FRMD4A: variants seen among roughly 807,000 people sequenced by gnomAD.
The protein encoded by FRMD4A is FERM domain-containing protein 4A.
In FRMD4A, 29 loss-of-function variants were observed where a neutral mutation model predicts 129.1. The ratio of observed to expected loss-of-function variants is 0.22; its 90% CI spans 0.17 to 0.31. The LOEUF is 0.31. Ranked by LOEUF, FRMD4A falls within the 10% of genes least tolerant of loss-of-function variation. The pLI is 1.00. For synonymous variants in FRMD4A, 634 were observed against 571.6 expected, an observed-to-expected ratio of 1.11 and a Z score of -1.56; for missense variants, 1,272 against 1,375.8, an observed-to-expected ratio of 0.92 and a Z score of 1.19.
intron 2 of FRMD4A, among the ~76,000 whole-genome samples, chr10:13,900,155 A>G (rs1437054876): frequency 2.0e-5 from 3 of 152,188 alleles, no homozygotes; most frequent in African/African-American, 7.2e-5. Flanking sequence ...CACTTCAATC[A>G]AAAAGGGATA....
intron 2 of FRMD4A, among the ~76,000 whole-genome samples, chr10:13,940,115 G>T (rs1588440879): frequency 6.6e-6 from 1 of 151,852 alleles, no homozygotes; most frequent in Middle Eastern, 3.4e-3. Flanking sequence ...AAACTGAAGG[G>T]CACAAACCCT....
chr10:14,135,792 G>T (rs1185646481), intron 2 of FRMD4A, among the ~76,000 whole-genome samples: 2 of 152,122 alleles, frequency 1.3e-5, no homozygotes, highest in African/African-American at 4.8e-5. Flanking sequence ...AATATAAAGT[G>T]CTTTATTTTA....
intron 2 of FRMD4A, among the ~76,000 whole-genome samples, chr10:13,967,268 C>A (rs1156285881): frequency 1.3e-5 from 2 of 151,810 alleles, no homozygotes; most frequent in African/African-American, 2.4e-5. Flanking sequence ...ACCCGGGAGG[C>A]GGAGCTTGCG....
chr10:13,946,971 G>C (rs181985602), intron 2 of FRMD4A, among the ~76,000 whole-genome samples: 6 of 152,180 alleles, frequency 3.9e-5, no homozygotes, highest in African/African-American at 1.4e-4. Context: ...ATATGGGGAA[G>C]CTTGGGAGGC....
intron 3 of FRMD4A, among the ~76,000 whole-genome samples, chr10:13,827,232 C>T (rs1434434196): frequency 6.6e-6 from 1 of 152,160 alleles, no homozygotes; most frequent in Non-Finnish European, 1.5e-5. Context: ...AAGAAGTACA[C>T]ATAAGGGGTA....
intron 2 of FRMD4A, among the ~76,000 whole-genome samples, chr10:14,185,574 C>G (rs184826503): frequency 9.2e-5 from 14 of 152,118 alleles, no homozygotes; most frequent in African/African-American, 3.1e-4. Flanking sequence ...AAGGTTCAAT[C>G]TCGTCTTGTA....
chr10:13,730,523 C>A (rs931792034), intron 12 of FRMD4A, among the ~76,000 whole-genome samples: 1 of 152,010 alleles, frequency 6.6e-6, no homozygotes, highest in Non-Finnish European at 1.5e-5. Context: ...CAAACTAAGA[C>A]GAAACTTGGG....
intron 2 of FRMD4A, among the ~76,000 whole-genome samples, chr10:14,255,295 T>C (rs1844569399): frequency 6.6e-6 from 1 of 152,252 alleles, no homozygotes; most frequent in Non-Finnish European, 1.5e-5. Flanking sequence ...GTTGCCTCGT[T>C]GCTGCCTTCT....
At chr10:13,717,082 A>G (rs1373917214) in intron 12 of FRMD4A, among the ~76,000 whole-genome samples, 1 of 152,202 alleles carries the variant, frequency 6.6e-6, no homozygotes, top group Non-Finnish European at 1.5e-5. Context: ...TTTTCTAGCA[A>G]TGAGCACTGT....
chr10:13,785,670 G>A (rs976104714), intron 5 of FRMD4A, among the ~76,000 whole-genome samples: 6 of 151,856 alleles, frequency 4.0e-5, no homozygotes, highest in South Asian at 2.1e-4. Flanking sequence ...CATGCACAAC[G>A]TGCAGGTTTG....
At chr10:13,923,002 T>C (rs2095090857) in intron 2 of FRMD4A, among the ~76,000 whole-genome samples, 1 of 152,022 alleles carries the variant, frequency 6.6e-6, no homozygotes, top group East Asian at 1.9e-4. Context: ...GAAAATGGGA[T>C]GAGAAAAAAA....
intron 12 of FRMD4A, among the ~76,000 whole-genome samples, chr10:13,729,154 A>G (rs1460922760): frequency 3.7e-5 from 1 of 27,088 alleles, no homozygotes; most frequent in Non-Finnish European, 1.1e-4. Context: ...GTTCAGGTCC[A>G]CTCAGACTGT....
At chr10:13,894,469 G>T (rs2094735427) in intron 2 of FRMD4A, among the ~76,000 whole-genome samples, 2 of 152,144 alleles carry the variant, frequency 1.3e-5, no homozygotes, top group South Asian at 2.1e-4. Context: ...CTCTTCCAGG[G>T]CTCCGTATGT....
At chr10:14,284,936 A>G (rs999194587) in intron 2 of FRMD4A, among the ~76,000 whole-genome samples, 1 of 152,120 alleles carries the variant, frequency 6.6e-6, no homozygotes, top group African/African-American at 2.4e-5. Flanking sequence ...CCTCTGTCCT[A>G]CTACAAAATT....
At chr10:14,281,994 C>T (rs566651897) in intron 2 of FRMD4A, among the ~76,000 whole-genome samples, 21 of 152,194 alleles carry the variant, frequency 1.4e-4, no homozygotes, top group South Asian at 2.1e-4. Context: ...TTACACGTGG[C>T]GGGGGAGGCC....
intron 2 of FRMD4A, among the ~76,000 whole-genome samples, chr10:14,081,575 G>T (rs1835931212): frequency 6.6e-6 from 1 of 152,196 alleles, no homozygotes. Flanking sequence ...AATAAGTCAA[G>T]GTTCAGTACA....
chr10:13,990,969 C>T (rs552835442), intron 2 of FRMD4A, among the ~76,000 whole-genome samples: 1 of 152,194 alleles, frequency 6.6e-6, no homozygotes, highest in South Asian at 2.1e-4. Context: ...TCTAAGTTCC[C>T]CTGGAGGAGA....
chr10:13,833,157 A>G (rs1195449743), intron 3 of FRMD4A, among the ~76,000 whole-genome samples: 1 of 152,180 alleles, frequency 6.6e-6, no homozygotes, highest in African/African-American at 2.4e-5. Flanking sequence ...CTGTTCTCAC[A>G]TTGCCAATAA....
At chr10:14,056,300 G>A (rs564637533) in intron 2 of FRMD4A, among the ~76,000 whole-genome samples, 1 of 152,108 alleles carries the variant, frequency 6.6e-6, no homozygotes, top group East Asian at 1.9e-4. Context: ...CTAAAGTGCT[G>A]GGATTACAGG....
Sources: allele counts gnomAD v4.1 joint callset (sites outside exome capture counted in the v4.1 genomes callset), GRCh38; gene constraint gnomAD v4.1.1; transcripts MANE v1.5; gene names NCBI Gene and HGNC (gene_info 2026-07-23, HGNC 2026-07-21).